The following SGCD variants were observed in gnomAD, a reference collection of about 807,000 sequenced individuals.
SGCD encodes delta-sarcoglycan.
In SGCD, 18 loss-of-function variants were observed where a neutral mutation model predicts 36.6. The observed-to-expected ratio is 0.49, with a 90% CI of 0.34 to 0.73. The LOEUF (loss-of-function observed/expected upper bound fraction) is 0.73, where lower values mean the gene tolerates loss of function less well. SGCD is among the 30% of genes least tolerant of loss of function. SGCD has a pLI of 0.01. For synonymous variants in SGCD, 133 were observed against 130.6 expected, an observed-to-expected ratio of 1.02 and a Z score of -0.12; for missense variants, 387 against 346.7, an observed-to-expected ratio of 1.12 and a Z score of -0.92.
At chr5:156,346,258 A>G (rs1768929068) in intron 3 of SGCD, among the ~76,000 whole-genome samples, 1 of 152,174 alleles carries the variant, frequency 6.6e-6, no homozygotes, top group South Asian at 2.1e-4. Flanking sequence ...ATCTTGAGAA[A>G]ATAATTCAGT....
chr5:156,325,208 A>G (rs1363324687), upstream of SGCD, among the ~76,000 whole-genome samples: 1 of 152,064 alleles, frequency 6.6e-6, no homozygotes, highest in Non-Finnish European at 1.5e-5. Flanking sequence ...ATAAGGCTTC[A>G]GGACAGTTCT....
At chr5:156,380,246 C>T (rs2312064) in intron 3 of SGCD, among the ~76,000 whole-genome samples, 2 of 152,040 alleles carry the variant, frequency 1.3e-5, no homozygotes, top group African/African-American at 4.8e-5. Flanking sequence ...AACAAAGAAA[C>T]AAGTTAATGT....
intron 7 of SGCD, among the ~76,000 whole-genome samples, chr5:156,736,676 C>T (rs1756384362): frequency 6.6e-6 from 1 of 152,158 alleles, no homozygotes. Flanking sequence ...GCAAGTCATT[C>T]CACCTTACTG....
chr5:156,693,917 G>A (rs143135992), intron 7 of SGCD, among the ~76,000 whole-genome samples: 1 of 152,246 alleles, frequency 6.6e-6, no homozygotes, highest in East Asian at 1.9e-4. Context: ...CCCTCAGAGA[G>A]GATGGGTAGC....
intron 3 of SGCD, among the ~76,000 whole-genome samples, chr5:156,347,553 C>A (rs1156703225): frequency 6.6e-6 from 1 of 152,046 alleles, no homozygotes; most frequent in Non-Finnish European, 1.5e-5. Flanking sequence ...TCCTAAAAAG[C>A]AAAATAGAAT....
rs191915840 is a variant in SGCD, at chr5:156,033,708, C to T, written c.-281-84170C>T. Among the ~76,000 whole-genome samples the T allele has an allele frequency of 9.9e-5, 15 of 152,238 alleles. No individual in the cohort carries two copies. In the East Asian group the frequency reaches 2.3e-3, roughly 24 times the overall value. On this transcript the variant is annotated intron_variant, in intron 1 of 9. Transcript: ENST00000517913. ...AATTAGAAACTAAGACTATTGTTTG[C>T]GCCCTCAACCATTCAACAAATATTA...
intron 7 of SGCD, among the ~76,000 whole-genome samples, chr5:156,668,853 A>G (rs1156861531): frequency 1.3e-5 from 2 of 152,140 alleles, no homozygotes; most frequent in Non-Finnish European, 2.9e-5. Flanking sequence ...AGCCAGTTAG[A>G]TAGGGCTTAA....
At chr5:156,536,723 T>A (rs1758130352) in intron 4 of SGCD, among the ~76,000 whole-genome samples, 1 of 152,156 alleles carries the variant, frequency 6.6e-6, no homozygotes, top group Non-Finnish European at 1.5e-5. Context: ...TAGTAAAAAT[T>A]CTGGTGGCTC....
chr5:156,160,808 C>T (rs1428666172), intron 3 of SGCD, among the ~76,000 whole-genome samples: 1 of 151,546 alleles, frequency 6.6e-6, no homozygotes, highest in Non-Finnish European at 1.5e-5. Flanking sequence ...TCTTTTCTTC[C>T]AACTTGTTTG....
chr5:155,864,164 C>G, the SGCD span, among the ~76,000 whole-genome samples: 1 of 152,108 alleles, frequency 6.6e-6, no homozygotes, highest in Admixed American at 6.6e-5. Flanking sequence ...AAAATAAGTA[C>G]AAAAGGTCTG....
chr5:156,056,054 T>C (rs1473400593), intron 1 of SGCD, among the ~76,000 whole-genome samples: 2 of 146,426 alleles, frequency 1.4e-5, no homozygotes, highest in Non-Finnish European at 3.1e-5. Flanking sequence ...TCAGAAATAG[T>C]GACAAAGTTG....
At chr5:156,174,294 C>G (rs1414326096) in intron 3 of SGCD, among the ~76,000 whole-genome samples, 1 of 152,048 alleles carries the variant, frequency 6.6e-6, no homozygotes, top group Non-Finnish European at 1.5e-5. Flanking sequence ...AGGAAGCCTC[C>G]CTGAGAATGT....
intron 1 of SGCD, among the ~76,000 whole-genome samples, chr5:156,033,616 A>C (rs1170772196): frequency 6.6e-6 from 1 of 152,168 alleles, no homozygotes; most frequent in African/African-American, 2.4e-5. Context: ...CATCCAGTTA[A>C]ACTCTCCTCT....
At chr5:155,824,682 G>A in the SGCD span, among the ~76,000 whole-genome samples, 1 of 152,146 alleles carries the variant, frequency 6.6e-6, no homozygotes, top group Non-Finnish European at 1.5e-5. Context: ...CAGGGTGCCT[G>A]ATTGGCGAGT....
the SGCD span, among the ~76,000 whole-genome samples, chr5:155,786,162 G>T: frequency 6.6e-6 from 1 of 152,134 alleles, no homozygotes; most frequent in Non-Finnish European, 1.5e-5. Flanking sequence ...TCTCCTTTTT[G>T]CCAGAGCTCA....
chr5:155,997,469 G>C (rs1404717250), intron 1 of SGCD, among the ~76,000 whole-genome samples: 1 of 152,186 alleles, frequency 6.6e-6, no homozygotes, highest in Non-Finnish European at 1.5e-5. Context: ...TGGGGACAGA[G>C]GAATTCGAAT....
intron 3 of SGCD, among the ~76,000 whole-genome samples, chr5:156,507,923 G>A (rs74941933): frequency 0.014 from 2,079 of 152,206 alleles, 128 homozygotes; most frequent in Admixed American, 0.11. Flanking sequence ...TTGATATTAA[G>A]GAATGATTGT....
the SGCD span, among the ~76,000 whole-genome samples, chr5:155,823,718 C>G: frequency 6.6e-6 from 1 of 152,186 alleles, no homozygotes; most frequent in Non-Finnish European, 1.5e-5. Flanking sequence ...CATTCACTCT[C>G]TTGCTACAAG....
chr5:156,242,863 T>C (rs1051835373), intron 3 of SGCD, among the ~76,000 whole-genome samples: 2 of 152,074 alleles, frequency 1.3e-5, no homozygotes, highest in Non-Finnish European at 1.5e-5. Flanking sequence ...CTGCACAGAA[T>C]CCCAGAACCT....
Sources: gnomAD v4.1 joint callset for allele counts (sites outside exome capture counted in the v4.1 genomes callset) on GRCh38, gnomAD v4.1.1 for gene constraint, MANE v1.5 for transcripts, NCBI Gene and HGNC (gene_info 2026-07-23, HGNC 2026-07-21) for gene names.